The following DACH2 variants were observed in gnomAD, a reference collection of about 807,000 sequenced individuals.
The protein encoded by DACH2 is dachshund homolog 2.
In DACH2, 17 loss-of-function variants were observed where a neutral mutation model predicts 35.8. The observed-to-expected ratio is 0.48, with a 90% CI of 0.33 to 0.71. The LOEUF is 0.71. DACH2 is among the 30% of genes least tolerant of loss of function. The pLI, the probability that DACH2 is intolerant of heterozygous loss-of-function variation, is 0.02. For synonymous variants in DACH2, 195 were observed against 177.3 expected (o/e 1.10, Z -0.79); for missense variants, 469 against 472.7 (o/e 0.99, Z 0.07).
At chrX:86,219,315 A>C (rs1033896405) in intron 1 of DACH2, among the ~76,000 whole-genome samples, 1 of 111,488 alleles carries the variant, frequency 9.0e-6, no homozygotes, top group African/African-American at 3.3e-5. Context: ...CACTTTTTAA[A>C]AACTTTTATT....
intron 2 of DACH2, among the ~76,000 whole-genome samples, chrX:86,391,539 C>T (rs999842136): frequency 5.4e-5 from 6 of 110,683 alleles, no homozygotes; most frequent in African/African-American, 2.0e-4. Flanking sequence ...CGTCTTTCTA[C>T]ATGAGGTTTT....
intron 4 of DACH2, among the ~76,000 whole-genome samples, chrX:86,678,759 T>C (rs771670818): frequency 8.9e-6 from 1 of 112,144 alleles, no homozygotes; most frequent in East Asian, 2.8e-4. Context: ...TATCAAGTCA[T>C]AGATCTTTTT....
At chrX:86,347,720 C>T (rs1349919770) in intron 1 of DACH2, among the ~76,000 whole-genome samples, 1 of 112,676 alleles carries the variant, frequency 8.9e-6, no homozygotes, top group African/African-American at 3.2e-5. Flanking sequence ...TAATTAAAGA[C>T]TCACCATTCC....
chrX:86,826,491 G>GA (rs35476070), intron 11 of DACH2, among the ~76,000 whole-genome samples: 36 of 108,109 alleles, frequency 3.3e-4, no homozygotes, highest in South Asian at 1.2e-3. Flanking sequence ...AGAACTTTCT[G>GA]AAAAAAAAAT....
intron 2 of DACH2, among the ~76,000 whole-genome samples, chrX:86,418,059 A>C (rs111504349): frequency 0.089 from 9,911 of 111,446 alleles, 1,112 homozygotes; most frequent in African/African-American, 0.31. Flanking sequence ...AAATTATCTC[A>C]TTTGACTCCA....
chrX:86,750,299 G>T (rs1363622942), intron 7 of DACH2, among the ~76,000 whole-genome samples: 1 of 111,818 alleles, frequency 8.9e-6, no homozygotes, highest in African/African-American at 3.2e-5. Flanking sequence ...TATTTACTAT[G>T]AAAACACATT....
At chrX:86,599,310 C>T (rs767787244) in intron 3 of DACH2, among the ~76,000 whole-genome samples, 68 of 110,499 alleles carry the variant, frequency 6.2e-4, no homozygotes, top group Admixed American at 1.1e-3. Context: ...AAAGAAATTG[C>T]CTCTTTTCTT....
chrX:86,579,890 G>T (rs770820335), intron 3 of DACH2, among the ~76,000 whole-genome samples: 1 of 112,238 alleles, frequency 8.9e-6, no homozygotes, highest in African/African-American at 3.2e-5. Context: ...GCAGCCTGCC[G>T]TGCTGCCATG....
At position 86,346,800 on chromosome X, in the gene DACH2, TG is replaced by T. The variant is rs758592642; in HGVS notation, c.489-30021del. 6.2e-5 allele frequency among the ~76,000 whole-genome samples: 7 copies of T among 112,029 alleles called. No homozygotes were observed. In the East Asian group the frequency reaches 1.7e-3, roughly 27 times the overall value. On this transcript the variant is annotated intron_variant, in intron 1 of 11. Transcript: ENST00000373125. Reference sequence around the variant, plus strand: ...AAGAAATGTGACCACATACAATCACTGGGAGCATAGACTATTTCATTTTAGA... The same window carrying T: ...AAGAAATGTGACCACATACAATCACTGGAGCATAGACTATTTCATTTTAGA...
At position 86,351,103 on chromosome X, in the gene DACH2, G is replaced by T. The variant is rs2035583785; in HGVS notation, c.489-25721G>T. On this transcript the variant is annotated intron_variant, in intron 1 of 11. Transcript: ENST00000373125. ...AGGTCCTTCACGTCCCTTGTAAGTTGGATTCCTAGGTATTTTATTCTCTTT... is the reference window on the plus strand; with the variant it reads ...AGGTCCTTCACGTCCCTTGTAAGTTTGATTCCTAGGTATTTTATTCTCTTT... 9.8e-5 allele frequency among the ~76,000 whole-genome samples: 2 copies of T among 20,408 alleles called. 1 individual carries two copies. Among genetic ancestry groups the T allele is most frequent in the Non-Finnish European group, 1.3e-4 (2 of 15,002 alleles). The allele number at this position is 20,408 out of a possible 115,157, so 17.7% of individuals were successfully genotyped here.
intron 1 of DACH2, among the ~76,000 whole-genome samples, chrX:86,190,142 C>T (rs1322851829): frequency 2.8e-5 from 3 of 106,332 alleles, no homozygotes; most frequent in South Asian, 4.3e-4. Context: ...CCAGCCTGGG[C>T]GATAGAGTGA....
At chrX:86,445,533 G>GA (rs200382737) in intron 2 of DACH2, among the ~76,000 whole-genome samples, 7,406 of 23,369 alleles carry the variant, frequency 0.32, 1,597 homozygotes, top group African/African-American at 0.6. Context: ...AGAAAAAAAA[G>GA]AAAAAAAAAA....
chrX:86,739,923 T>C, intron 7 of DACH2, 41 bp downstream of exon 7: 1 of 1,134,644 alleles, frequency 8.8e-7, no homozygotes, highest in South Asian at 2.2e-5. Context: ...AAAACATTGT[T>C]TCTGGAAATT....
At chrX:86,594,823 T>G (rs184721499) in intron 3 of DACH2, among the ~76,000 whole-genome samples, 308 of 111,829 alleles carry the variant, frequency 2.8e-3, no homozygotes, top group Middle Eastern at 0.023. Flanking sequence ...TTTAATTCTG[T>G]CCTAAGATAT....
chrX:86,343,593 C>A (rs1334535456), intron 1 of DACH2, among the ~76,000 whole-genome samples: 1 of 111,273 alleles, frequency 9.0e-6, no homozygotes, highest in Non-Finnish European at 1.9e-5. Context: ...GTAGCCCAAG[C>A]AGTAAAGGTC....
chrX:86,811,283 T>C (rs941495490), intron 7 of DACH2, among the ~76,000 whole-genome samples: 1 of 111,745 alleles, frequency 8.9e-6, no homozygotes, highest in African/African-American at 3.3e-5. Flanking sequence ...CACAAATGAA[T>C]GGCACAACTT....
chrX:86,718,158 C>A lies in DACH2; in HGVS notation c.1104+3438C>A, dbSNP rs186717503. 1.3e-4 allele frequency among the ~76,000 whole-genome samples: 15 copies of A among 111,161 alleles called. No homozygotes were observed. The East Asian group carries it at 3.4e-3, about 25-fold the overall frequency. The stretch of plus-strand genomic sequence containing the variant: ...GCATTATGTTTTCTCCTCACAAACA[C>A]TTGTTATTTTTTCTTTTGAAAAATA... On this transcript the variant is annotated intron_variant, in intron 6 of 11. Coordinates refer to ENST00000373125, the MANE Select transcript of DACH2 (RefSeq NM_053281.3).
chrX:86,814,388 A>C (rs906693462), intron 9 of DACH2, among the ~76,000 whole-genome samples: 2 of 112,047 alleles, frequency 1.8e-5, no homozygotes, highest in African/African-American at 6.5e-5. Context: ...AGAGAGTCAA[A>C]GTAGAAGACA....
At chrX:86,317,982 T>C (rs2034945417) in intron 1 of DACH2, among the ~76,000 whole-genome samples, 1 of 111,584 alleles carries the variant, frequency 9.0e-6, no homozygotes, top group Non-Finnish European at 1.9e-5. Flanking sequence ...AATACACCCT[T>C]TCAGTCAAAG....
Sources: gnomAD v4.1 joint callset for allele counts (sites outside exome capture counted in the v4.1 genomes callset) on GRCh38, gnomAD v4.1.1 for gene constraint, MANE v1.5 for transcripts, NCBI Gene and HGNC (gene_info 2026-07-23, HGNC 2026-07-21) for gene names.